The following VEZT variants were observed in gnomAD, a reference collection of about 807,000 sequenced individuals.
VEZT encodes the protein vezatin, adherens junctions transmembrane protein.
In VEZT, 39 loss-of-function variants were observed where a neutral mutation model predicts 79.9. The observed-to-expected ratio is 0.49, with a 90% CI of 0.38 to 0.64. The LOEUF (loss-of-function observed/expected upper bound fraction) is 0.64, where lower values mean the gene tolerates loss of function less well. VEZT is among the 30% of genes least tolerant of loss of function. The pLI is 0.00. For synonymous variants in VEZT, 325 were observed against 327.6 expected, an observed-to-expected ratio of 0.99 and a Z score of 0.09; for missense variants, 837 against 893.1, an observed-to-expected ratio of 0.94 and a Z score of 0.80.
In VEZT at chr12:95,287,188, G is replaced by A. The variant is rs541638747; in HGVS notation, c.1329-476G>A. ...AAGCTTTTTAAAAAATTGTGTCAAA[G>A]AATACATAACAAAAATTATCATTTA... is the stretch of plus-strand genomic sequence containing the variant. On this transcript the variant is annotated intron_variant, in intron 8 of 11. Coordinates refer to ENST00000436874, the MANE Select transcript of VEZT (RefSeq NM_017599.4). 1.3e-3 allele frequency among the ~76,000 whole-genome samples: 198 copies of A among 152,140 alleles called. 1 individual carries two copies. Among genetic ancestry groups the A allele is most frequent in the African/African-American group, 4.4e-3 (183 of 41,518 alleles).
In VEZT at chr12:95,300,866, TAA is replaced by T. The variant is rs2075135238; in HGVS notation, c.*194_*195del. ...GTAAATGGCAGATCTTTTAGGAAAA[TAA>T]GAGAAAGGTAAGGGCTCTTTTGAAT... On this transcript the variant is annotated 3_prime_UTR_variant, in exon 12 of 12. Coordinates refer to ENST00000436874, the MANE Select transcript of VEZT (RefSeq NM_017599.4). 3.1e-6 allele frequency: 2 copies of T among 647,276 alleles called. No individual in the cohort carries two copies. 40.1% of individuals were successfully genotyped at this position (647,276 alleles called of 1,614,324 possible). A position where few individuals can be genotyped will look rare whatever the true frequency, so the allele number is the denominator to read the frequency against.
Position 95,263,004 on chromosome 12 carries a change from C to T in VEZT, c.357C>T (p.Ile119=). The T allele has an allele frequency of 6.2e-7, 1 of 1,613,586 alleles. No individual in the cohort carries two copies. Among genetic ancestry groups the T allele is most frequent in the Non-Finnish European group, 8.5e-7 (1 of 1,179,584 alleles). ...TGATTGAGCTACTTGATCCCAGTATCCTGTCTGCAGGGCAATCTCAACAAC... is the reference window on the plus strand; with the variant it reads ...TGATTGAGCTACTTGATCCCAGTATTCTGTCTGCAGGGCAATCTCAACAAC... ...VELIELLDPS[I]LSAGQSQQQE... The change falls in exon 4 of 12, where the codon ATC becomes ATT. Residue 119 remains isoleucine (I), a synonymous_variant. Transcript: ENST00000436874.
chr12:95,277,024 G>A (rs1260730289), intron 7 of VEZT, among the ~76,000 whole-genome samples: 1 of 146,632 alleles, frequency 6.8e-6, no homozygotes, highest in East Asian at 2.1e-4. Context: ...CCCCGCCCCC[G>A]CACCATCCTA....
intron 1 of VEZT, among the ~76,000 whole-genome samples, chr12:95,245,831 T>G (rs2061639378): frequency 6.6e-6 from 1 of 152,166 alleles, no homozygotes; most frequent in Non-Finnish European, 1.5e-5. Context: ...AATTTAAAAA[T>G]TATCTGAGTA....
intron 8 of VEZT, among the ~76,000 whole-genome samples, chr12:95,287,457 A>G (rs564367175): frequency 1.3e-5 from 2 of 152,036 alleles, no homozygotes; most frequent in South Asian, 2.1e-4. Flanking sequence ...ACATGCTACC[A>G]TGCTCGGCTA....
intron 1 of VEZT, among the ~76,000 whole-genome samples, chr12:95,247,459 C>G (rs547685476): frequency 1.3e-5 from 2 of 152,200 alleles, no homozygotes; most frequent in Admixed American, 1.3e-4. Flanking sequence ...ACAATCTGTT[C>G]TTCTCAATAA....
intron 1 of VEZT, among the ~76,000 whole-genome samples, chr12:95,231,108 A>C (rs892579175): frequency 2.6e-5 from 4 of 152,348 alleles, no homozygotes; most frequent in Middle Eastern, 3.4e-3. Flanking sequence ...TATTTATTAC[A>C]TCTCATATCA....
chr12:95,264,624 A>AC (rs1270429708), intron 4 of VEZT, among the ~76,000 whole-genome samples: 1 of 151,868 alleles, frequency 6.6e-6, no homozygotes, highest in Non-Finnish European at 1.5e-5. Context: ...TTTTTCAGAG[A>AC]CAGGGTTTTG....
chr12:95,224,753 T>A (rs913616662), intron 1 of VEZT, among the ~76,000 whole-genome samples: 3 of 152,220 alleles, frequency 2.0e-5, no homozygotes, highest in Non-Finnish European at 2.9e-5. Context: ...TTCTAGATAC[T>A]AAGTACTGTG....
chr12:95,225,733 A>T (rs1050511137), intron 1 of VEZT, among the ~76,000 whole-genome samples: 1 of 138,354 alleles, frequency 7.2e-6, no homozygotes, highest in African/African-American at 2.7e-5. Context: ...CTATAGAAAC[A>T]TTTTGCCTCC....
chr12:95,232,535 A>G (rs997721706), intron 1 of VEZT, among the ~76,000 whole-genome samples: 1 of 152,126 alleles, frequency 6.6e-6, no homozygotes, highest in Admixed American at 6.5e-5. Flanking sequence ...CAAACATTAC[A>G]CAGTTTCGGG....
intron 1 of VEZT, among the ~76,000 whole-genome samples, chr12:95,236,230 G>C (rs534606267): frequency 4.7e-4 from 71 of 152,108 alleles, no homozygotes; most frequent in African/African-American, 1.7e-3. Flanking sequence ...AGACCAGCCC[G>C]GCCAACACAG....
At chr12:95,230,994 T>C (rs1319996289) in intron 1 of VEZT, among the ~76,000 whole-genome samples, 1 of 152,188 alleles carries the variant, frequency 6.6e-6, no homozygotes, top group Non-Finnish European at 1.5e-5. Context: ...CTGATGGGTA[T>C]GTTTGATTTT....
Position 95,282,364 on chromosome 12 carries a change from G to A in VEZT, c.1048G>A (p.Ala350Thr), listed in dbSNP as rs867551825. ...GAGTTCAGAGTTCTTCAGACGGTTA[G>A]CCCTATTACTTTCTACAGCCAATTC... ...AQSSEFFRRL[A>T]LLLSTANSPP... The change falls in exon 8 of 12, where the codon GCC becomes ACC. Residue 350 changes from alanine to threonine, a missense_variant. Coordinates refer to ENST00000436874, the MANE Select transcript of VEZT (RefSeq NM_017599.4). The A allele has an allele frequency of 1.2e-6, 2 of 1,613,672 alleles. No homozygotes were observed. The highest frequency in any genetic ancestry group is 1.7e-6 in the Non-Finnish European group (2 of 1,179,870).
intron 3 of VEZT, among the ~76,000 whole-genome samples, chr12:95,259,672 A>G (rs528925048): frequency 2.1e-4 from 32 of 152,248 alleles, no homozygotes; most frequent in Non-Finnish European, 4.1e-4. Flanking sequence ...CCAGCCATGC[A>G]GGTGATACCT....
At chr12:95,272,287 A>G (rs773506627) in intron 6 of VEZT, among the ~76,000 whole-genome samples, 6 of 152,136 alleles carry the variant, frequency 3.9e-5, no homozygotes, top group Non-Finnish European at 8.8e-5. Context: ...GCTGCTTTTT[A>G]TTAGATGGTA....
At chr12:95,218,003 C>T in intron 1 of VEZT, 117 bp downstream of exon 1, 1 of 1,082,594 alleles carries the variant, frequency 9.2e-7, no homozygotes, top group Non-Finnish European at 1.3e-6. Context: ...CAGCTGGCCT[C>T]GACCACCGAA....
chr12:95,268,053 C>CAA lies in VEZT; in HGVS notation c.710+1430_710+1431dup, dbSNP rs143407098. Among the ~76,000 whole-genome samples, 160 of 147,334 alleles carry CAA rather than the reference C, an allele frequency of 1.1e-3. 1 individual carries two copies. Among genetic ancestry groups the CAA allele is most frequent in the African/African-American group, 3.6e-3 (143 of 40,098 alleles). On this transcript the variant is annotated intron_variant, in intron 5 of 11. Coordinates refer to ENST00000436874, the MANE Select transcript of VEZT (RefSeq NM_017599.4). ...CTAGGTTGGGCAACAGACTTGGTCT[C>CAA]AAAAAAAAAAGTATAAAAGTTCTTA...
chr12:95,247,761 A>T (rs1186087030), intron 1 of VEZT, among the ~76,000 whole-genome samples: 1 of 152,192 alleles, frequency 6.6e-6, no homozygotes, highest in Non-Finnish European at 1.5e-5. Flanking sequence ...AAAAAGTGAT[A>T]GCAATTTTAT....
Sources: gnomAD v4.1 joint callset for allele counts (sites outside exome capture counted in the v4.1 genomes callset) on GRCh38, gnomAD v4.1.1 for gene constraint, MANE v1.5 for transcripts, NCBI Gene and HGNC (gene_info 2026-07-23, HGNC 2026-07-21) for gene names.